F13A1: variants seen among roughly 807,000 people sequenced by gnomAD.
F13A1 encodes coagulation factor XIII A chain.
In F13A1, 47 loss-of-function variants were observed where a neutral mutation model predicts 80.1. That is an observed-to-expected ratio of 0.59 (90% CI 0.46 to 0.75). The LOEUF (loss-of-function observed/expected upper bound fraction) is 0.75, where lower values mean the gene tolerates loss of function less well. Ranked by LOEUF, F13A1 falls within the 30% of genes least tolerant of loss-of-function variation. F13A1 has a pLI of 0.00. For synonymous variants in F13A1, 349 were observed against 344.9 expected (o/e 1.01, Z -0.13); for missense variants, 817 against 930.4 (o/e 0.88, Z 1.59).
chr6:6,177,489 C>G (rs1483813467), intron 11 of F13A1, among the ~76,000 whole-genome samples: 1 of 152,202 alleles, frequency 6.6e-6, no homozygotes, highest in Admixed American at 6.5e-5. Context: ...GCCCTGAAAC[C>G]CAGCCTGGCA....
intron 3 of F13A1, among the ~76,000 whole-genome samples, chr6:6,300,494 G>A (rs1281928664): frequency 1.3e-5 from 2 of 152,020 alleles, no homozygotes; most frequent in East Asian, 3.9e-4. Context: ...GGGTGGGAGT[G>A]ACCCCATTTT....
chr6:6,318,547 C>A lies in F13A1; in HGVS notation c.118G>T (p.Val40Phe). The A allele has an allele frequency of 6.2e-7, 1 of 1,613,388 alleles. No homozygotes were observed. Among genetic ancestry groups the A allele is most frequent in the East Asian group, 2.2e-5 (1 of 44,884 alleles). Residue 40 changes from valine to phenylalanine, a missense_variant, in exon 2 of 15, where the codon GTC becomes TTC. Val to Phe is a conservative substitution (Grantham distance 50). Coordinates refer to ENST00000264870, the MANE Select transcript of F13A1 (RefSeq NM_000129.4). ...VELQGVVPRG[V>F]NLQEFLNVTS... ...GGTATGCTCATACCTTGCAGGTTGACGCCCCGGGGCACCACGCCCTGAAGC... is the reference window on the plus strand; with the variant it reads ...GGTATGCTCATACCTTGCAGGTTGAAGCCCCGGGGCACCACGCCCTGAAGC...
At chr6:6,263,904 A>G (rs955971182) in intron 4 of F13A1, among the ~76,000 whole-genome samples, 1 of 152,232 alleles carries the variant, frequency 6.6e-6, no homozygotes, top group African/African-American at 2.4e-5. Flanking sequence ...TGGTACCACC[A>G]TGTTTAGTTT....
chr6:6,295,326 T>C lies in F13A1; in HGVS notation c.319+10025A>G, dbSNP rs988369109. Reference sequence around the variant, plus strand: ...ATCTCTGAGGAATTGCCACACTGACTTCCACAATGGTTGAACTAGTTTACA... The same window carrying C: ...ATCTCTGAGGAATTGCCACACTGACCTCCACAATGGTTGAACTAGTTTACA... On this transcript the variant is annotated intron_variant, in intron 3 of 14. Transcript: ENST00000264870. 4.2e-4 allele frequency among the ~76,000 whole-genome samples: 63 copies of C among 148,758 alleles called. 7 individuals carry two copies. The highest frequency in any genetic ancestry group is 1.5e-3 in the African/African-American group (59 of 38,434).
intron 3 of F13A1, among the ~76,000 whole-genome samples, chr6:6,289,577 T>C (rs1437377451): frequency 6.6e-6 from 1 of 151,846 alleles, no homozygotes; most frequent in Non-Finnish European, 1.5e-5. Flanking sequence ...ATTAGTGAGA[T>C]TTTTTTCCCC....
At chr6:6,213,500 G>A (rs1372079459) in intron 8 of F13A1, among the ~76,000 whole-genome samples, 5 of 146,082 alleles carry the variant, frequency 3.4e-5, no homozygotes, top group African/African-American at 1.3e-4. Flanking sequence ...TCACCACCAG[G>A]CCTGCCCTAA....
chr6:6,266,830 T>C (rs1217486655), intron 3 of F13A1, 21 bp from the exon 4 acceptor site: 2 of 1,614,112 alleles, frequency 1.2e-6, no homozygotes. Flanking sequence ...AGAGAAGAAA[T>C]ACTCTGTTAG....
At chr6:6,201,851 T>A (rs1246548617) in intron 8 of F13A1, among the ~76,000 whole-genome samples, 3 of 152,136 alleles carry the variant, frequency 2.0e-5, no homozygotes, top group South Asian at 2.1e-4. Flanking sequence ...ATATTTAGCA[T>A]TTTTGCTGCA....
chr6:6,225,703 A>T (rs114413893), intron 6 of F13A1, among the ~76,000 whole-genome samples: 2,326 of 152,070 alleles, frequency 0.015, 58 homozygotes, highest in African/African-American at 0.052. Flanking sequence ...GGGTCTCCCT[A>T]TGTTGCCCAG....
intron 4 of F13A1, 127 bp downstream of exon 4, chr6:6,266,431 C>G: frequency 6.9e-7 from 1 of 1,442,394 alleles, no homozygotes; most frequent in Admixed American, 1.7e-5. Context: ...GACTAGGTCT[C>G]AAACTCCTGG....
intron 12 of F13A1, chr6:6,169,457 C>G (rs1230085663): frequency 6.5e-6 from 1 of 154,172 alleles, no homozygotes; most frequent in Non-Finnish European, 1.5e-5. Flanking sequence ...ACAGGAGGTT[C>G]TAACAGCAGA....
intron 6 of F13A1, among the ~76,000 whole-genome samples, chr6:6,230,793 A>C (rs1757340842): frequency 6.6e-6 from 1 of 152,186 alleles, no homozygotes. Context: ...GCCCAGTGTC[A>C]CTCCAGAGCT....
At position 6,154,140 on chromosome 6, in the gene F13A1, G is replaced by A. The variant is rs532374892; in HGVS notation, c.1909-2191C>T. ...ACAACCAAAACTGTTTCGTACTGAC[G>A]TCCAAAAAAAAAAAAAAAAAACGGC... is the stretch of plus-strand genomic sequence containing the variant. On this transcript the variant is annotated intron_variant, in intron 13 of 14. Coordinates refer to ENST00000264870, the MANE Select transcript of F13A1 (RefSeq NM_000129.4). Among the ~76,000 whole-genome samples the A allele has an allele frequency of 2.3e-4, 10 of 42,644 alleles. 2 individuals are homozygous for A. In the South Asian group the frequency reaches 8.3e-3, roughly 36 times the overall value. The allele number at this position is 42,644 out of a possible 152,430, so 28.0% of individuals were successfully genotyped here.
chr6:6,183,482 C>T (rs548582985), intron 10 of F13A1, among the ~76,000 whole-genome samples: 33 of 152,324 alleles, frequency 2.2e-4, no homozygotes, highest in African/African-American at 7.0e-4. Context: ...TTCTGTGCAT[C>T]AGAGTCACCT....
rs996006702 is a variant in F13A1 at position 6,145,408 on chromosome 6, T to G, written c.*211A>C. ...CTAATGCTTAGCACTCTTTGGAAGG[T>G]GGAGAGATTAAAAACTAACTTCCTT... On this transcript the variant is annotated 3_prime_UTR_variant, in exon 15 of 15. Transcript: ENST00000264870. 3 of 626,732 alleles carry G rather than the reference T, an allele frequency of 4.8e-6. No homozygotes were observed. The African/African-American group carries it at 5.5e-5, about 11-fold the overall frequency. 38.8% of individuals were successfully genotyped at this position (626,732 alleles called of 1,614,324 possible).
At chr6:6,305,611 A>G (rs1758502239) in intron 2 of F13A1, 72 bp from the exon 3 acceptor site, 2 of 1,527,834 alleles carry the variant, frequency 1.3e-6, no homozygotes, top group African/African-American at 1.4e-5. Context: ...CTCAAAAACA[A>G]GATTATTTTC....
chr6:6,226,812 C>T (rs970663185), intron 6 of F13A1, among the ~76,000 whole-genome samples: 4 of 152,014 alleles, frequency 2.6e-5, no homozygotes, highest in African/African-American at 9.7e-5. Context: ...GAGAGATGGT[C>T]AAGAAACCAA....
At chr6:6,180,946 T>C (rs1046110921) in intron 11 of F13A1, among the ~76,000 whole-genome samples, 5 of 152,206 alleles carry the variant, frequency 3.3e-5, no homozygotes, top group African/African-American at 1.2e-4. Flanking sequence ...TTTTTATCCA[T>C]TTACTAAAAA....
At chr6:6,259,965 T>C (rs1382285529) in intron 4 of F13A1, among the ~76,000 whole-genome samples, 1 of 152,232 alleles carries the variant, frequency 6.6e-6, no homozygotes, top group Non-Finnish European at 1.5e-5. Flanking sequence ...AACTGGAACA[T>C]TCTATATTTA....
Sources: gnomAD v4.1 joint callset for allele counts (sites outside exome capture counted in the v4.1 genomes callset) on GRCh38, gnomAD v4.1.1 for gene constraint, MANE v1.5 for transcripts, NCBI Gene and HGNC (gene_info 2026-07-23, HGNC 2026-07-21) for gene names.